The following XRRA1 variants were observed in gnomAD, a reference collection of about 807,000 sequenced individuals.
The protein encoded by XRRA1 is X-ray radiation resistance-associated protein 1.
In XRRA1, 69 loss-of-function variants were observed where a neutral mutation model predicts 80.2. That is an observed-to-expected ratio of 0.86 (90% CI 0.71 to 1.05). The LOEUF (loss-of-function observed/expected upper bound fraction) is 1.05, where lower values mean the gene tolerates loss of function less well. Among genes scored for constraint, XRRA1 ranks in the 50% least tolerant of loss-of-function variants. XRRA1 has a pLI of 0.00. For missense variants in XRRA1, 967 were observed against 976.4 expected, an observed-to-expected ratio of 0.99 and a Z score of 0.13; for synonymous variants, 348 against 389.9, an observed-to-expected ratio of 0.89 and a Z score of 1.27.
At chr11:74,936,589 G>A (rs1387873214) in intron 4 of XRRA1, among the ~76,000 whole-genome samples, 1 of 152,232 alleles carries the variant, frequency 6.6e-6, no homozygotes, top group Non-Finnish European at 1.5e-5. Context: ...TTTACTAGCT[G>A]TGGAACCTCA....
chr11:74,857,422 A>AT (rs1183096823), intron 12 of XRRA1, among the ~76,000 whole-genome samples: 1 of 152,240 alleles, frequency 6.6e-6, no homozygotes, highest in Non-Finnish European at 1.5e-5. Context: ...GTATCCATAC[A>AT]TTTGGTAGAT....
intron 5 of XRRA1, 87 bp downstream of exon 5, chr11:74,933,714 T>C: frequency 8.1e-7 from 1 of 1,236,558 alleles, no homozygotes; most frequent in African/African-American, 1.5e-5. Flanking sequence ...CTAGGGACTC[T>C]GGAGGTGCAA....
At chr11:74,936,330 G>C (rs1476066918) in intron 4 of XRRA1, among the ~76,000 whole-genome samples, 1 of 152,214 alleles carries the variant, frequency 6.6e-6, no homozygotes, top group Non-Finnish European at 1.5e-5. Flanking sequence ...CTTTCAGCCA[G>C]ACACTAAAGT....
rs775958494 is a variant in XRRA1, at chr11:74,936,963, AAAG to A, written c.197_199del (p.Ser66del). 6.2e-7 allele frequency: 1 copy of A among 1,613,760 alleles called. No homozygotes were observed. Among genetic ancestry groups the A allele is most frequent in the South Asian group, 1.1e-5 (1 of 91,034 alleles). On this transcript the variant is annotated inframe_deletion, in exon 4 of 19. Coordinates refer to ENST00000684022, the MANE Select transcript of XRRA1 (RefSeq NM_001378157.1). ...AGACTCTTTCTTCCCCTTGAACTCA[AAAG>A]AAGTCGCCTTCAGGCTTTCCCGACG...
At chr11:74,871,913 C>T (rs895689539) in intron 10 of XRRA1, among the ~76,000 whole-genome samples, 7 of 152,212 alleles carry the variant, frequency 4.6e-5, no homozygotes, top group Admixed American at 3.9e-4. Context: ...CAAACCCTAA[C>T]CGCAGCTGAA....
chr11:74,936,595 C>A (rs546644428), intron 4 of XRRA1, among the ~76,000 whole-genome samples: 1 of 152,330 alleles, frequency 6.6e-6, no homozygotes, highest in Non-Finnish European at 1.5e-5. Flanking sequence ...AGCTGTGGAA[C>A]CTCAGCCAAG....
intron 5 of XRRA1, among the ~76,000 whole-genome samples, chr11:74,931,424 A>G (rs1400454173): frequency 1.3e-5 from 2 of 151,670 alleles, no homozygotes; most frequent in Non-Finnish European, 2.9e-5. Context: ...TTCTGGGTTC[A>G]AGTGATTCTC....
chr11:74,884,675 T>C (rs555467331), intron 10 of XRRA1, among the ~76,000 whole-genome samples: 1 of 152,360 alleles, frequency 6.6e-6, no homozygotes, highest in East Asian at 1.9e-4. Context: ...ACTCTTTGTG[T>C]GTCCATATCC....
chr11:74,883,096 G>A (rs868159918), intron 10 of XRRA1, among the ~76,000 whole-genome samples: 47 of 125,624 alleles, frequency 3.7e-4, no homozygotes, highest in Admixed American at 8.6e-4. Context: ...AATGGCGGGC[G>A]CCCCTCCCCC....
intron 4 of XRRA1, 68 bp from the exon 5 acceptor site, chr11:74,933,940 G>T: frequency 1.4e-6 from 2 of 1,390,226 alleles, no homozygotes; most frequent in Non-Finnish European, 2.0e-6. Flanking sequence ...TTACCACTCA[G>T]CCTTCTCTTG....
At chr11:74,935,521 C>T (rs1944743043) in intron 4 of XRRA1, among the ~76,000 whole-genome samples, 1 of 152,288 alleles carries the variant, frequency 6.6e-6, no homozygotes, top group South Asian at 2.1e-4. Context: ...GATGAGAAGA[C>T]AGATTTGACA....
At chr11:74,848,569 G>C in intron 14 of XRRA1, 107 bp from the exon 15 acceptor site, 1 of 980,078 alleles carries the variant, frequency 1.0e-6, no homozygotes, top group Non-Finnish European at 1.5e-6. Context: ...TGCTGGGTAC[G>C]GACTGAGGCG....
At chr11:74,943,524 G>GGGGTGTGTGTGTGTGTGTGTGTGT (rs1330173160) in intron 2 of XRRA1, among the ~76,000 whole-genome samples, 8 of 137,850 alleles carry the variant, frequency 5.8e-5, no homozygotes, top group African/African-American at 2.1e-4. Flanking sequence ...AGAGTAGGAG[G>GGGGTGTGTGTGTGTGTGTGTGTGT]GTGTGTGTGT....
rs754220834 is a variant in XRRA1 at position 74,848,193 on chromosome 11, A to T, written c.1650T>A (p.Ser550Arg). Residue 550 changes from serine (S) to arginine (R), a missense_variant, in exon 15 of 19, where the codon AGT (serine) becomes AGA (arginine). Physicochemically the swap from Ser to Arg is moderately radical, Grantham distance 110. Transcript: ENST00000684022. ...CTGGGCTGAGGCGGACAGTTGTGTC[A>T]CTCAGGTGGGACAGGGTCTCTTCAC... ...VHSEETLSHL[S>R]DTTVRLSPER... 1.9e-6 allele frequency: 3 copies of T among 1,613,786 alleles called. No individual in the cohort carries two copies. In the Admixed American group the frequency reaches 5.0e-5, roughly 27 times the overall value.
rs2135181284 is a variant in XRRA1 at position 74,841,171 on chromosome 11, G to A, written c.*2029C>T. 6.6e-6 allele frequency: 1 copy of A among 152,192 alleles called. No homozygotes were observed. The allele number at this position is 152,192 out of a possible 1,614,324, so 9.4% of individuals were successfully genotyped here. ...GCTAGCCAAATTTTCTTTAAAAATT[G>A]GAAACTCATTATGGTCTTAAATTGT... On this transcript the variant is annotated 3_prime_UTR_variant, in exon 19 of 19. Coordinates refer to ENST00000684022, the MANE Select transcript of XRRA1 (RefSeq NM_001378157.1).
intron 10 of XRRA1, among the ~76,000 whole-genome samples, chr11:74,886,594 T>C (rs1357884193): frequency 1.3e-5 from 2 of 152,026 alleles, no homozygotes; most frequent in Non-Finnish European, 2.9e-5. Context: ...AAACATTCCA[T>C]GCCCGTGATA....
At chr11:74,843,662 C>T (rs1591458944) in intron 18 of XRRA1, 192 bp downstream of exon 18, 16 of 821,288 alleles carry the variant, frequency 1.9e-5, no homozygotes, top group Non-Finnish European at 2.8e-5. Context: ...GGTTCAGGAC[C>T]TTAACATGCT....
chr11:74,845,976 A>G (rs528072688), intron 15 of XRRA1: 1 of 152,396 alleles, frequency 6.6e-6, no homozygotes, highest in South Asian at 2.1e-4. Context: ...GGACTGCTTG[A>G]GCTCGGGAGC....
chr11:74,939,559 C>T (rs535051363), intron 3 of XRRA1, among the ~76,000 whole-genome samples: 1 of 152,272 alleles, frequency 6.6e-6, no homozygotes, highest in East Asian at 1.9e-4. Context: ...TTTTCCTGAG[C>T]ACTTCTTTAC....
Sources: allele counts gnomAD v4.1 joint callset (sites outside exome capture counted in the v4.1 genomes callset), GRCh38; gene constraint gnomAD v4.1.1; transcripts MANE v1.5; gene names NCBI Gene and HGNC (gene_info 2026-07-23, HGNC 2026-07-21).